The following CDH23 variants were observed in gnomAD, a reference collection of about 807,000 sequenced individuals.
CDH23 encodes cadherin-23.
A neutral mutation model predicts 317.1 loss-of-function variants in CDH23; 189 were observed. The observed-to-expected ratio is 0.60, with a 90% CI of 0.53 to 0.67. The LOEUF (loss-of-function observed/expected upper bound fraction) is 0.67, where lower values mean the gene tolerates loss of function less well. Ranked by LOEUF, CDH23 falls within the 30% of genes least tolerant of loss-of-function variation. The probability of loss-of-function intolerance (pLI) is 0.00; values close to 1 mark genes in which losing one functional copy is unlikely to be tolerated. For missense variants in CDH23, 4,401 were observed against 4,592.4 expected (o/e 0.96, Z 1.20); for synonymous variants, 1,839 against 1,876.8 (o/e 0.98, Z 0.52).
intron 28 of CDH23, chr10:71,715,869 G>T: frequency 1.4e-6 from 2 of 1,390,596 alleles, no homozygotes; most frequent in Non-Finnish European, 1.9e-6. Flanking sequence ...TGCAGCACCG[G>T]TCTCTGAAGC....
chr10:71,716,288 A>T, intron 28 of CDH23: 1 of 1,526,344 alleles, frequency 6.6e-7, no homozygotes, highest in Non-Finnish European at 8.8e-7. Context: ...GAGAAAGGCG[A>T]GGGGGCTGAT....
At chr10:71,430,011 A>G (rs1235005245) in intron 1 of CDH23, among the ~76,000 whole-genome samples, 1 of 152,200 alleles carries the variant, frequency 6.6e-6, no homozygotes, top group African/African-American at 2.4e-5. Context: ...TTGAGCTGTA[A>G]GGTGGGATGT....
chr10:71,720,173 G>A (rs1389376611), intron 28 of CDH23, among the ~76,000 whole-genome samples: 1 of 152,178 alleles, frequency 6.6e-6, no homozygotes, highest in African/African-American at 2.4e-5. Context: ...GAGAGTGCTG[G>A]TCCCTGGCAG....
At chr10:71,741,992 A>C in intron 38 of CDH23, 71 bp downstream of exon 38, 1 of 1,222,620 alleles carries the variant, frequency 8.2e-7, no homozygotes, top group South Asian at 1.4e-5. Flanking sequence ...TGAGGGGAAC[A>C]AGATGGGTGA....
chr10:71,670,497 C>T (rs546390805), intron 14 of CDH23, among the ~76,000 whole-genome samples: 3 of 152,258 alleles, frequency 2.0e-5, no homozygotes, highest in South Asian at 2.1e-4. Flanking sequence ...GAGGGGCTCC[C>T]GGGTCAAGAC....
At chr10:71,604,515 C>G (rs527579412) in intron 9 of CDH23, among the ~76,000 whole-genome samples, 1 of 152,306 alleles carries the variant, frequency 6.6e-6, no homozygotes, top group East Asian at 1.9e-4. Flanking sequence ...CCAGCCCAAC[C>G]CCTGCAGGAG....
chr10:71,646,835 G>A, intron 14 of CDH23: 4 of 1,481,440 alleles, frequency 2.7e-6, no homozygotes, highest in Non-Finnish European at 3.6e-6. Context: ...CCAACCTGAG[G>A]GGTGACGAGA....
At chr10:71,424,855 G>T (rs970283356) in intron 1 of CDH23, among the ~76,000 whole-genome samples, 1 of 152,300 alleles carries the variant, frequency 6.6e-6, no homozygotes. Context: ...ACAGAGTAAA[G>T]GGACTGCTTC....
At chr10:71,808,969 C>G (rs138117456) in intron 60 of CDH23, among the ~76,000 whole-genome samples, 119 of 152,282 alleles carry the variant, frequency 7.8e-4, no homozygotes, top group African/African-American at 2.9e-3. Context: ...GTTACACAAG[C>G]AGACACCATC....
chr10:71,739,094 T>G (rs909411962), intron 35 of CDH23, among the ~76,000 whole-genome samples: 2 of 152,164 alleles, frequency 1.3e-5, no homozygotes, highest in African/African-American at 4.8e-5. Context: ...GTTCCGTGCA[T>G]TAGGCCGTGT....
chr10:71,796,776 T>C, intron 48 of CDH23: 1 of 265,610 alleles, frequency 3.8e-6, no homozygotes, highest in Non-Finnish European at 7.5e-6. Context: ...TTTGTTTTTC[T>C]AATCCTCAAA....
rs146750620 is a variant in CDH23, at chr10:71,492,439, G to T, written c.146-17643G>T. Among the ~76,000 whole-genome samples the T allele has an allele frequency of 3.5e-3, 536 of 152,288 alleles. 3 individuals carry two copies. The highest frequency in any genetic ancestry group is 0.012 in the African/African-American group (512 of 41,556). ...AAAGAACATCCATCCCAATTAGGCA[G>T]ACCCCAGACAGGTCAGGCATTGGGA... On this transcript the variant is annotated intron_variant, in intron 3 of 69. Coordinates refer to ENST00000224721, the MANE Select transcript of CDH23 (RefSeq NM_022124.6).
At chr10:71,487,432 C>T (rs1564611405) in intron 3 of CDH23, among the ~76,000 whole-genome samples, 1 of 152,116 alleles carries the variant, frequency 6.6e-6, no homozygotes. Context: ...TACATACTTG[C>T]TTACATGGAC....
At chr10:71,776,756 G>A (rs957879218) in intron 38 of CDH23, among the ~76,000 whole-genome samples, 3 of 152,194 alleles carry the variant, frequency 2.0e-5, no homozygotes, top group Admixed American at 6.5e-5. Context: ...GGGCAGAACC[G>A]CAGTGAGGAA....
chr10:71,771,080 G>C (rs751439318), intron 38 of CDH23, among the ~76,000 whole-genome samples: 1 of 152,198 alleles, frequency 6.6e-6, no homozygotes, highest in Non-Finnish European at 1.5e-5. Context: ...CCTAGCCCCA[G>C]TGCACTTAAA....
chr10:71,595,961 C>A (rs1859812964), intron 9 of CDH23, among the ~76,000 whole-genome samples: 1 of 152,188 alleles, frequency 6.6e-6, no homozygotes, highest in African/African-American at 2.4e-5. Flanking sequence ...AAACTGAAGC[C>A]CACACCAACT....
chr10:71,589,689 G>T (rs573415485), intron 9 of CDH23, among the ~76,000 whole-genome samples: 18 of 152,278 alleles, frequency 1.2e-4, no homozygotes, highest in Admixed American at 3.9e-4. Context: ...GAGGAAGAAG[G>T]GTTGCCACCC....
At chr10:71,424,708 C>A (rs1298798723) in intron 1 of CDH23, among the ~76,000 whole-genome samples, 1 of 152,226 alleles carries the variant, frequency 6.6e-6, no homozygotes, top group Non-Finnish European at 1.5e-5. Flanking sequence ...TCACTGTGCA[C>A]CTACTGTCCG....
At chr10:71,806,945 G>A (rs1414889010) in intron 57 of CDH23, among the ~76,000 whole-genome samples, 5 of 152,218 alleles carry the variant, frequency 3.3e-5, no homozygotes, top group Non-Finnish European at 5.9e-5. Flanking sequence ...TGACATGGTT[G>A]TTTTTTCTTC....
Sources: allele counts gnomAD v4.1 joint callset (sites outside exome capture counted in the v4.1 genomes callset), GRCh38; gene constraint gnomAD v4.1.1; transcripts MANE v1.5; gene names NCBI Gene and HGNC (gene_info 2026-07-23, HGNC 2026-07-21).